Variants in SORCS3 observed in about 807,000 individuals in gnomAD.
SORCS3 encodes VPS10 domain-containing receptor SorCS3.
SORCS3 carries 57 observed loss-of-function variants against 146.3 expected under a neutral mutation model. The ratio of observed to expected loss-of-function variants is 0.39; its 90% confidence interval spans 0.31 to 0.49. SORCS3 has a LOEUF of 0.49. Ranked by LOEUF, SORCS3 falls within the 20% of genes least tolerant of loss-of-function variation. SORCS3 has a pLI of 0.92. For missense variants in SORCS3, 1,341 were observed against 1,575.5 expected, an observed-to-expected ratio of 0.85 and a Z score of 2.52; for synonymous variants, 653 against 618.5, an observed-to-expected ratio of 1.06 and a Z score of -0.83.
chr10:105,185,937 T>G (rs955237050), intron 14 of SORCS3, among the ~76,000 whole-genome samples: 3 of 152,210 alleles, frequency 2.0e-5, no homozygotes, highest in African/African-American at 7.2e-5. Flanking sequence ...ATATTATCTA[T>G]CTGGGGTCAT....
In SORCS3 at chr10:104,767,821, C is replaced by T. The variant is rs1166844646; in HGVS notation, c.628-74971C>T. ...CTTCTCCCTTCCCCTCCCTCTTCTT[C>T]CCCCCTCTCCTCCCCTTCCTCCTAC... On this transcript the variant is annotated intron_variant, in intron 1 of 26. Transcript: ENST00000369701. Among the ~76,000 whole-genome samples the T allele has an allele frequency of 8.3e-5, 12 of 143,804 alleles. No individual in the cohort carries two copies. The East Asian group carries it at 8.6e-4, about 10-fold the overall frequency. The allele number at this position is 143,804 out of a possible 152,430, so 94.3% of individuals were successfully genotyped here. A position where few individuals can be genotyped will look rare whatever the true frequency, so the allele number is the denominator to read the frequency against.
chr10:104,669,949 T>C (rs2015831563), intron 1 of SORCS3, among the ~76,000 whole-genome samples: 1 of 152,122 alleles, frequency 6.6e-6, no homozygotes, highest in Non-Finnish European at 1.5e-5. Flanking sequence ...CATTGTAGTT[T>C]TTATTTTTAT....
intron 6 of SORCS3, among the ~76,000 whole-genome samples, chr10:105,094,515 A>G (rs2055732333): frequency 6.6e-6 from 1 of 152,170 alleles, no homozygotes; most frequent in African/African-American, 2.4e-5. Flanking sequence ...TCTACTTAAA[A>G]TCTATATATA....
At chr10:104,729,461 A>G (rs1169411315) in intron 1 of SORCS3, among the ~76,000 whole-genome samples, 1 of 152,248 alleles carries the variant, frequency 6.6e-6, no homozygotes, top group Non-Finnish European at 1.5e-5. Flanking sequence ...AATGACAAAG[A>G]AAGAAATATG....
At chr10:105,030,674 C>G (rs994469489) in intron 4 of SORCS3, among the ~76,000 whole-genome samples, 2 of 151,658 alleles carry the variant, frequency 1.3e-5, no homozygotes, top group Admixed American at 1.3e-4. Flanking sequence ...CTCACTGCAA[C>G]CTCCACCTCC....
In SORCS3 at chr10:105,043,085, T is replaced by A. The variant is rs2055348208; in HGVS notation, c.985T>A (p.Trp329Arg). 3 of 1,613,760 alleles carry A rather than the reference T, an allele frequency of 1.9e-6. No homozygotes were observed. The highest frequency in any genetic ancestry group is 2.5e-6 in the Non-Finnish European group (3 of 1,179,820). The change falls in exon 5 of 27, where the codon TGG (tryptophan) becomes AGG (arginine). Residue 329 changes from tryptophan (W) to arginine (R), a missense_variant. Trp to Arg is a moderately radical substitution (Grantham distance 101, BLOSUM62 -3). Coordinates refer to ENST00000369701, the MANE Select transcript of SORCS3 (RefSeq NM_014978.3). ...LYSSMDFGRRWQLMHERITPN... is the reference protein window; with the variant it reads ...LYSSMDFGRRRQLMHERITPN... ...CAGCTCCATGGACTTTGGAAGACGGTGGCAACTCATGCATGAACGCATCAC... is the reference window on the plus strand; with the variant it reads ...CAGCTCCATGGACTTTGGAAGACGGAGGCAACTCATGCATGAACGCATCAC...
chr10:105,245,326 A>C (rs901490026), intron 20 of SORCS3, among the ~76,000 whole-genome samples: 1 of 152,126 alleles, frequency 6.6e-6, no homozygotes, highest in South Asian at 2.1e-4. Context: ...TCTTATCCTT[A>C]TTTCTAGAAT....
intron 13 of SORCS3, among the ~76,000 whole-genome samples, chr10:105,170,277 G>A (rs770460322): frequency 1.3e-5 from 2 of 152,022 alleles, no homozygotes; most frequent in African/African-American, 2.4e-5. Context: ...CATCCAAGTT[G>A]GGAAAATTAC....
intron 1 of SORCS3, among the ~76,000 whole-genome samples, chr10:104,833,545 GTC>G (rs1207441842): frequency 6.6e-6 from 1 of 152,120 alleles, no homozygotes; most frequent in Non-Finnish European, 1.5e-5. Flanking sequence ...ATGCTTGAAA[GTC>G]TCTATAGTAA....
At chr10:105,038,095 A>G (rs2055317740) in intron 4 of SORCS3, among the ~76,000 whole-genome samples, 1 of 152,194 alleles carries the variant, frequency 6.6e-6, no homozygotes. Context: ...ATATGTGGCC[A>G]TGACATACAG....
chr10:105,026,276 T>C (rs1019033421), intron 4 of SORCS3, among the ~76,000 whole-genome samples: 1 of 152,204 alleles, frequency 6.6e-6, no homozygotes, highest in African/African-American at 2.4e-5. Context: ...CCCTCTCCCC[T>C]GGACAGCCAC....
At chr10:104,797,759 A>AT (rs2017573977) in intron 1 of SORCS3, among the ~76,000 whole-genome samples, 1 of 152,160 alleles carries the variant, frequency 6.6e-6, no homozygotes, top group African/African-American at 2.4e-5. Context: ...TTCTTGAAAA[A>AT]TCCATCTAGC....
chr10:105,061,016 T>G (rs2055482718), intron 5 of SORCS3, among the ~76,000 whole-genome samples: 1 of 152,164 alleles, frequency 6.6e-6, no homozygotes, highest in South Asian at 2.1e-4. Flanking sequence ...TTTGCAGTCT[T>G]AAAATGTTTC....
chr10:104,940,201 CTT>C (rs2019297402), intron 3 of SORCS3, among the ~76,000 whole-genome samples: 10 of 50,118 alleles, frequency 2.0e-4, no homozygotes, highest in South Asian at 1.0e-3. Context: ...TCTTCCTTTT[CTT>C]TTATATATAT....
chr10:104,718,148 AAATAAATAAATAAATAAATG>A lies in SORCS3; in HGVS notation c.627+76212_627+76231del, dbSNP rs1332560413. On this transcript the variant is annotated intron_variant, in intron 1 of 26. Coordinates refer to ENST00000369701, the MANE Select transcript of SORCS3 (RefSeq NM_014978.3). ...GCGACAGAGTGAGACTCCGTCCTCA[AAATAAATAAATAAATAAATG>A]AATAAATAAATAAATAAGAGAAAGA... 2.1e-3 allele frequency among the ~76,000 whole-genome samples: 319 copies of A among 150,576 alleles called. 1 individual carries two copies. The highest frequency in any genetic ancestry group is 7.6e-3 in the African/African-American group (306 of 40,038).
intron 9 of SORCS3, among the ~76,000 whole-genome samples, chr10:105,152,857 C>T (rs891491468): frequency 1.4e-4 from 21 of 152,250 alleles, no homozygotes; most frequent in African/African-American, 4.1e-4. Context: ...AGTGGCTTGG[C>T]TCTGATCACA....
At chr10:104,756,621 G>C (rs147787797) in intron 1 of SORCS3, among the ~76,000 whole-genome samples, 2 of 152,290 alleles carry the variant, frequency 1.3e-5, no homozygotes, top group South Asian at 4.1e-4. Flanking sequence ...AGTGGAGAAA[G>C]CATCCCAAGA....
At chr10:104,642,022 G>GGGGGGGGGGGGGGGGGGGCCCCC in intron 1 of SORCS3, 68 bp downstream of exon 1, 14 of 173,328 alleles carry the variant, frequency 8.1e-5, no homozygotes, top group East Asian at 3.0e-4. Context: ...GGGTGGGTGG[G>GGGGGGGGGGGGGGGGGGGCCCCC]AGCGAGGGAC....
At chr10:104,671,837 G>A (rs763114034) in intron 1 of SORCS3, among the ~76,000 whole-genome samples, 27 of 152,132 alleles carry the variant, frequency 1.8e-4, no homozygotes, top group Middle Eastern at 3.4e-3. Flanking sequence ...TTGTCATGGC[G>A]TATAATCCTG....
Sources: allele counts gnomAD v4.1 joint callset (sites outside exome capture counted in the v4.1 genomes callset), GRCh38; gene constraint gnomAD v4.1.1; transcripts MANE v1.5; gene names NCBI Gene and HGNC (gene_info 2026-07-23, HGNC 2026-07-21).